Variants in GPATCH2 observed in about 807,000 individuals in gnomAD.
GPATCH2 encodes the protein G patch domain-containing protein 2.
GPATCH2 carries 51 observed loss-of-function variants against 58.0 expected under a neutral mutation model. That is an observed-to-expected ratio of 0.88 (90% confidence interval 0.70 to 1.11). GPATCH2 has a LOEUF of 1.11. Ranked by LOEUF, GPATCH2 falls within the 50% of genes most tolerant of loss-of-function variation. The pLI is 0.00. For synonymous variants in GPATCH2, 222 were observed against 218.5 expected, an observed-to-expected ratio of 1.02 and a Z score of -0.14; for missense variants, 625 against 652.2, an observed-to-expected ratio of 0.96 and a Z score of 0.45.
intron 8 of GPATCH2, among the ~76,000 whole-genome samples, chr1:217,490,591 T>C (rs999320105): frequency 4.6e-5 from 7 of 152,242 alleles, no homozygotes; most frequent in Admixed American, 1.3e-4. Flanking sequence ...TCTTCAGATG[T>C]ATCTTTCCTT....
At chr1:217,468,925 T>C (rs1660598655) in intron 8 of GPATCH2, among the ~76,000 whole-genome samples, 1 of 152,144 alleles carries the variant, frequency 6.6e-6, no homozygotes, top group Admixed American at 6.5e-5. Context: ...TAAAATATTG[T>C]TAAAAATTGC....
At chr1:217,552,982 T>C (rs772570232) in intron 5 of GPATCH2, among the ~76,000 whole-genome samples, 4 of 152,142 alleles carry the variant, frequency 2.6e-5, no homozygotes, top group Non-Finnish European at 5.9e-5. Context: ...TATTGGTTTA[T>C]CTAAATTACA....
chr1:217,593,312 A>T (rs899546403), intron 5 of GPATCH2, among the ~76,000 whole-genome samples: 5 of 152,102 alleles, frequency 3.3e-5, no homozygotes, highest in Admixed American at 2.0e-4. Flanking sequence ...GGAAAGATGA[A>T]TTGATTTTAG....
At chr1:217,533,375 A>G (rs1477236719) in intron 5 of GPATCH2, among the ~76,000 whole-genome samples, 1 of 152,186 alleles carries the variant, frequency 6.6e-6, no homozygotes, top group African/African-American at 2.4e-5. Context: ...CCTCCTGGAG[A>G]CTAGAAAATA....
chr1:217,498,082 T>G, intron 7 of GPATCH2: 1 of 557,820 alleles, frequency 1.8e-6, no homozygotes, highest in Non-Finnish European at 3.2e-6. Flanking sequence ...AGATCAATAG[T>G]GAGGTCCTAC....
chr1:217,438,699 A>C (rs775204192), intron 9 of GPATCH2, among the ~76,000 whole-genome samples: 1 of 152,184 alleles, frequency 6.6e-6, no homozygotes, highest in Non-Finnish European at 1.5e-5. Flanking sequence ...ACAAACCTCC[A>C]AGAAATATGG....
At chr1:217,617,962 A>G (rs1005032823) in intron 2 of GPATCH2, among the ~76,000 whole-genome samples, 3 of 152,092 alleles carry the variant, frequency 2.0e-5, no homozygotes, top group Non-Finnish European at 4.4e-5. Context: ...TAAAAGGAGA[A>G]CTAAAAAAAA....
At chr1:217,567,172 G>A (rs1666291478) in intron 5 of GPATCH2, among the ~76,000 whole-genome samples, 2 of 151,412 alleles carry the variant, frequency 1.3e-5, no homozygotes, top group Admixed American at 6.6e-5. Flanking sequence ...TCAGCCTCCT[G>A]AGTAGCTGGG....
intron 1 of GPATCH2, among the ~76,000 whole-genome samples, chr1:217,623,586 T>C (rs964907573): frequency 6.6e-6 from 1 of 152,096 alleles, no homozygotes; most frequent in African/African-American, 2.4e-5. Flanking sequence ...GACTTTATGT[T>C]GCTTCTCTCA....
intron 5 of GPATCH2, among the ~76,000 whole-genome samples, chr1:217,536,921 G>A (rs574413493): frequency 5.4e-4 from 82 of 152,256 alleles, no homozygotes; most frequent in Middle Eastern, 6.8e-3. Context: ...GCAGTGAGCC[G>A]AGATCGTGCC....
intron 5 of GPATCH2, among the ~76,000 whole-genome samples, chr1:217,534,442 A>G (rs1664365024): frequency 6.6e-6 from 1 of 152,160 alleles, no homozygotes; most frequent in African/African-American, 2.4e-5. Flanking sequence ...AAAGTTGCCC[A>G]TCTTCTTATT....
chr1:217,560,646 C>CT (rs759414518), intron 5 of GPATCH2, among the ~76,000 whole-genome samples: 182 of 152,276 alleles, frequency 1.2e-3, no homozygotes, highest in Non-Finnish European at 2.3e-3. Context: ...TCTGTAGGTG[C>CT]TTCATTTACA....
intron 6 of GPATCH2, among the ~76,000 whole-genome samples, chr1:217,501,047 T>C (rs761657909): frequency 6.6e-6 from 1 of 152,144 alleles, no homozygotes; most frequent in Non-Finnish European, 1.5e-5. Flanking sequence ...AATTTATTAC[T>C]ACAACGATCC....
chr1:217,502,431 T>C (rs1416525992), intron 6 of GPATCH2, among the ~76,000 whole-genome samples: 1 of 152,122 alleles, frequency 6.6e-6, no homozygotes, highest in Non-Finnish European at 1.5e-5. Context: ...TTCATTTCTT[T>C]CACTTTTTCT....
chr1:217,486,010 C>T (rs1485483028), intron 8 of GPATCH2, among the ~76,000 whole-genome samples: 2 of 152,156 alleles, frequency 1.3e-5, no homozygotes, highest in Non-Finnish European at 2.9e-5. Context: ...GTTGTTTGGG[C>T]TAAGTCCTTT....
At chr1:217,597,019 A>T (rs1196493988) in intron 5 of GPATCH2, among the ~76,000 whole-genome samples, 1 of 152,140 alleles carries the variant, frequency 6.6e-6, no homozygotes, top group Non-Finnish European at 1.5e-5. Context: ...AATAGGAATA[A>T]GATACCAATA....
intron 7 of GPATCH2, among the ~76,000 whole-genome samples, chr1:217,495,922 T>C (rs1051756589): frequency 1.4e-4 from 22 of 152,106 alleles, no homozygotes; most frequent in African/African-American, 5.1e-4. Context: ...ATCAATAAGA[T>C]GGAGAAAGGA....
rs1438809724 is a variant in GPATCH2 at position 217,614,205 on chromosome 1, G to A, written c.774-3C>T. On this transcript the variant is annotated splice_polypyrimidine_tract_variant and splice_region_variant and intron_variant, in intron 2 of 9. Coordinates refer to ENST00000366935, the MANE Select transcript of GPATCH2 (RefSeq NM_018040.5). ...TGCTGCTGAGACTGCTGGAATCACT[G>A]TAATAAGGAAAAAGAAAGAAACAGA... 9 of 1,535,932 alleles carry A rather than the reference G, an allele frequency of 5.9e-6. No homozygotes were observed. The highest frequency in any genetic ancestry group is 4.5e-5 in the East Asian group (2 of 44,442).
At chr1:217,616,276 A>C in intron 2 of GPATCH2, among the ~76,000 whole-genome samples, 1 of 152,198 alleles carries the variant, frequency 6.6e-6, no homozygotes, top group Non-Finnish European at 1.5e-5. Flanking sequence ...ATTATAGAAC[A>C]GTCTTCTATT....
Sources: allele counts gnomAD v4.1 joint callset (sites outside exome capture counted in the v4.1 genomes callset), GRCh38; gene constraint gnomAD v4.1.1; transcripts MANE v1.5; gene names NCBI Gene and HGNC (gene_info 2026-07-23, HGNC 2026-07-21).